The following CAMK1D variants were observed in gnomAD, a reference collection of about 807,000 sequenced individuals.
The protein encoded by CAMK1D is calcium/calmodulin-dependent protein kinase type 1D.
A neutral mutation model predicts 47.7 loss-of-function variants in CAMK1D; 9 were observed. The observed-to-expected ratio is 0.19, with a 90% CI of 0.11 to 0.33. The LOEUF (loss-of-function observed/expected upper bound fraction) is 0.33, where lower values mean the gene tolerates loss of function less well. Ranked by LOEUF, CAMK1D falls within the 10% of genes least tolerant of loss-of-function variation. CAMK1D has a pLI of 1.00. For missense variants in CAMK1D, 291 were observed against 488.7 expected (o/e 0.60, Z 3.81); for synonymous variants, 184 against 184.9 (o/e 0.99, Z 0.04).
chr10:12,361,306 G>A (rs1837654549), intron 1 of CAMK1D, among the ~76,000 whole-genome samples: 1 of 149,552 alleles, frequency 6.7e-6, no homozygotes, highest in East Asian at 2.0e-4. Context: ...GAGTGCAGTG[G>A]TGTGATCTTG....
At chr10:12,650,584 C>T (rs1393372694) in intron 2 of CAMK1D, among the ~76,000 whole-genome samples, 3 of 152,112 alleles carry the variant, frequency 2.0e-5, no homozygotes, top group Admixed American at 6.5e-5. Context: ...TGCCGCAATG[C>T]CGTTCCAGGG....
intron 6 of CAMK1D, among the ~76,000 whole-genome samples, chr10:12,807,286 G>A (rs1435786079): frequency 1.3e-5 from 2 of 152,240 alleles, no homozygotes; most frequent in East Asian, 1.9e-4. Flanking sequence ...CCTTAAGGAA[G>A]AGAGATTTGT....
intron 1 of CAMK1D, among the ~76,000 whole-genome samples, chr10:12,393,666 A>T (rs888821927): frequency 6.6e-6 from 1 of 152,190 alleles, no homozygotes; most frequent in Non-Finnish European, 1.5e-5. Flanking sequence ...AGAGATGGAG[A>T]CACCCAGCCC....
chr10:12,523,010 C>T (rs1426766677), intron 1 of CAMK1D, among the ~76,000 whole-genome samples: 6 of 149,318 alleles, frequency 4.0e-5, no homozygotes, highest in East Asian at 2.0e-4. Context: ...CGGGCGGAGA[C>T]GCTCCTCACT....
intron 2 of CAMK1D, among the ~76,000 whole-genome samples, chr10:12,631,304 A>G (rs1839371773): frequency 6.6e-6 from 1 of 152,100 alleles, no homozygotes; most frequent in African/African-American, 2.4e-5. Flanking sequence ...TAGTACAAAT[A>G]TATGTATTCC....
At chr10:12,504,476 A>G (rs940528940) in intron 1 of CAMK1D, among the ~76,000 whole-genome samples, 3 of 152,092 alleles carry the variant, frequency 2.0e-5, no homozygotes, top group Non-Finnish European at 4.4e-5. Flanking sequence ...CTGCCTTTTC[A>G]TTCCACCCTG....
chr10:12,502,787 C>T (rs1834745571), intron 1 of CAMK1D, among the ~76,000 whole-genome samples: 1 of 152,158 alleles, frequency 6.6e-6, no homozygotes, highest in Non-Finnish European at 1.5e-5. Context: ...GTGTAGGACC[C>T]GGTGCCTGGC....
chr10:12,542,774 G>T (rs1003106844), intron 1 of CAMK1D, among the ~76,000 whole-genome samples: 4 of 152,110 alleles, frequency 2.6e-5, no homozygotes, highest in African/African-American at 9.7e-5. Context: ...ACCGAGTCTC[G>T]CTCTGTCGCC....
intron 1 of CAMK1D, among the ~76,000 whole-genome samples, chr10:12,440,039 C>T (rs1832741637): frequency 6.6e-6 from 1 of 152,172 alleles, no homozygotes; most frequent in Admixed American, 6.5e-5. Context: ...CACTGGGTCC[C>T]TCCCATAACA....
At chr10:12,379,476 G>T (rs1463383222) in intron 1 of CAMK1D, among the ~76,000 whole-genome samples, 1 of 152,214 alleles carries the variant, frequency 6.6e-6, no homozygotes, top group East Asian at 1.9e-4. Flanking sequence ...TTTGGGGCCA[G>T]TCTTGGTGGC....
chr10:12,790,593 C>T (rs1458051268), intron 5 of CAMK1D, among the ~76,000 whole-genome samples: 1 of 134,046 alleles, frequency 7.5e-6, no homozygotes, highest in Non-Finnish European at 1.6e-5. Context: ...TCAGTAATCT[C>T]ACATCTCACA....
intron 2 of CAMK1D, among the ~76,000 whole-genome samples, chr10:12,618,379 G>A (rs957617238): frequency 2.0e-5 from 3 of 152,006 alleles, no homozygotes; most frequent in East Asian, 1.9e-4. Flanking sequence ...ACATCTGTCC[G>A]TGCTACTTAC....
chr10:12,401,562 C>A (rs1439041344), intron 1 of CAMK1D, among the ~76,000 whole-genome samples: 1 of 151,178 alleles, frequency 6.6e-6, no homozygotes, highest in Non-Finnish European at 1.5e-5. Flanking sequence ...GGAGAAGGAT[C>A]TGTACAACAG....
intron 1 of CAMK1D, among the ~76,000 whole-genome samples, chr10:12,427,007 G>C (rs1409287024): frequency 1.3e-5 from 2 of 152,074 alleles, no homozygotes; most frequent in African/African-American, 4.8e-5. Context: ...GAGCCACTGT[G>C]CCCAGCCTTA....
chr10:12,777,434 A>G (rs369117468), intron 5 of CAMK1D, among the ~76,000 whole-genome samples: 4 of 133,470 alleles, frequency 3.0e-5, no homozygotes, highest in Admixed American at 9.2e-5. Context: ...GTGCAGTGGC[A>G]CGATCTCAGC....
chr10:12,469,971 T>C (rs1406941428), intron 1 of CAMK1D, among the ~76,000 whole-genome samples: 1 of 152,210 alleles, frequency 6.6e-6, no homozygotes, highest in Non-Finnish European at 1.5e-5. Context: ...AATGGGAGAA[T>C]ACCAGACAGA....
chr10:12,588,320 G>A (rs1389933083), intron 2 of CAMK1D, among the ~76,000 whole-genome samples: 1 of 152,062 alleles, frequency 6.6e-6, no homozygotes, highest in Non-Finnish European at 1.5e-5. Flanking sequence ...CTGCATATTC[G>A]CTGACTGCAT....
chr10:12,815,711 C>T (rs1452615757), intron 7 of CAMK1D, among the ~76,000 whole-genome samples: 1 of 152,230 alleles, frequency 6.6e-6, no homozygotes, highest in Non-Finnish European at 1.5e-5. Flanking sequence ...CCCACTTCCC[C>T]CAGCAGGGCA....
At chr10:12,735,527 G>A (rs1372049714) in intron 3 of CAMK1D, among the ~76,000 whole-genome samples, 1 of 152,160 alleles carries the variant, frequency 6.6e-6, no homozygotes, top group Non-Finnish European at 1.5e-5. Flanking sequence ...GGAGCAAGAA[G>A]CGGAGGGGCG....
Sources: gnomAD v4.1 joint callset for allele counts (sites outside exome capture counted in the v4.1 genomes callset) on GRCh38, gnomAD v4.1.1 for gene constraint, MANE v1.5 for transcripts, NCBI Gene and HGNC (gene_info 2026-07-23, HGNC 2026-07-21) for gene names.